CGNL1: variants seen among roughly 807,000 people sequenced by gnomAD.
CGNL1 encodes the protein cingulin like 1.
Under a neutral mutation model 141.2 loss-of-function variants are expected in CGNL1, and 132 were observed. The ratio of observed to expected loss-of-function variants is 0.93; its 90% CI spans 0.81 to 1.08. CGNL1 has a LOEUF of 1.08. Among genes scored for constraint, CGNL1 ranks in the 50% least tolerant of loss-of-function variants. The pLI, the probability that CGNL1 is intolerant of heterozygous loss-of-function variation, is 0.00. For synonymous variants in CGNL1, 690 were observed against 622.1 expected (o/e 1.11, Z -1.63); for missense variants, 1,870 against 1,588.6 (o/e 1.18, Z -3.01).
intron 8 of CGNL1, among the ~76,000 whole-genome samples, chr15:57,476,208 A>G (rs1444230495): frequency 2.0e-5 from 3 of 152,110 alleles, no homozygotes; most frequent in African/African-American, 7.2e-5. Context: ...TGCTCCGTGT[A>G]GGCAGGCCAG....
chr15:57,410,281 AG>A (rs1365486699), intron 1 of CGNL1, among the ~76,000 whole-genome samples: 1 of 152,230 alleles, frequency 6.6e-6, no homozygotes, highest in Non-Finnish European at 1.5e-5. Context: ...CATGTCGTTA[AG>A]TAGATTAAAT....
rs189834374 is a variant in CGNL1 at position 57,494,814 on chromosome 15, G to A, written c.2404-21966G>A. ...GGCCAAGGGTGTTCCCTGGAAACTC[G>A]AGTGTCTAGGCATGAGCTCAGACAC... is the stretch of plus-strand genomic sequence containing the variant. On this transcript the variant is annotated intron_variant, in intron 8 of 18. Transcript: ENST00000281282. Among the ~76,000 whole-genome samples the A allele has an allele frequency of 2.6e-5, 4 of 152,312 alleles. No individual in the cohort carries two copies. The East Asian group carries it at 5.8e-4, about 22-fold the overall frequency.
intron 14 of CGNL1, 74 bp from the exon 15 acceptor site, chr15:57,543,622 C>G (rs1421431510): frequency 2.2e-5 from 30 of 1,351,874 alleles, no homozygotes; most frequent in Non-Finnish European, 3.1e-5. Flanking sequence ...CATTCAGTTC[C>G]TTGCCACCAT....
intron 8 of CGNL1, among the ~76,000 whole-genome samples, chr15:57,507,511 T>G (rs1432078254): frequency 3.3e-5 from 5 of 152,176 alleles, no homozygotes; most frequent in African/African-American, 7.2e-5. Context: ...TGAGTTGCCA[T>G]AGGAAAAACT....
At chr15:57,544,693 C>T (rs984910181) in intron 16 of CGNL1, 96 bp downstream of exon 16, 26 of 1,422,278 alleles carry the variant, frequency 1.8e-5, no homozygotes, top group Admixed American at 1.4e-4. Context: ...TCCTGATCCT[C>T]GTAGCCTGTG....
intron 8 of CGNL1, among the ~76,000 whole-genome samples, chr15:57,509,354 A>G (rs1480364391): frequency 6.6e-6 from 1 of 152,230 alleles, no homozygotes. Flanking sequence ...GACAGAAAGG[A>G]AACAAAAGCC....
At chr15:57,517,090 A>G in intron 9 of CGNL1, 104 bp downstream of exon 9, 1 of 1,133,752 alleles carries the variant, frequency 8.8e-7, no homozygotes, top group East Asian at 2.6e-5. Context: ...ATGATGTAGT[A>G]GGAAAGGTCA....
In CGNL1 at chr15:57,535,021, T is replaced by A. The variant is rs114910234; in HGVS notation, c.3291+3242T>A. Among the ~76,000 whole-genome samples, 1,084 of 152,268 alleles carry A rather than the reference T, an allele frequency of 7.1e-3. 15 individuals are homozygous for A. The highest frequency in any genetic ancestry group is 0.025 in the African/African-American group (1,034 of 41,552). ...AAAAAAGGTTTTCCAGCAATATTAG[T>A]GAATGGCCAACCCCTCTCATAGACT... On this transcript the variant is annotated intron_variant, in intron 14 of 18. Coordinates refer to ENST00000281282, the MANE Select transcript of CGNL1 (RefSeq NM_032866.5).
chr15:57,464,057 AG>A (rs1355667371), intron 8 of CGNL1, among the ~76,000 whole-genome samples: 5 of 131,022 alleles, frequency 3.8e-5, no homozygotes. Context: ...TCTTAGGCAT[AG>A]GGGGCACTTT....
chr15:57,448,449 G>T (rs2152317926), intron 4 of CGNL1, among the ~76,000 whole-genome samples: 1 of 152,240 alleles, frequency 6.6e-6, no homozygotes, highest in South Asian at 2.1e-4. Context: ...GGGAGTTCCA[G>T]ATCATCCTGG....
chr15:57,483,775 A>G (rs1219812484), intron 8 of CGNL1, among the ~76,000 whole-genome samples: 1 of 152,148 alleles, frequency 6.6e-6, no homozygotes, highest in Non-Finnish European at 1.5e-5. Context: ...TCTTTAGTTG[A>G]GAATGTTCCT....
At chr15:57,510,459 C>T (rs2030183091) in intron 8 of CGNL1, among the ~76,000 whole-genome samples, 1 of 152,146 alleles carries the variant, frequency 6.6e-6, no homozygotes, top group African/African-American at 2.4e-5. Context: ...GAATTCCATT[C>T]TGGAGGTGAT....
intron 10 of CGNL1, among the ~76,000 whole-genome samples, chr15:57,518,818 C>G (rs1324668755): frequency 6.6e-6 from 1 of 152,136 alleles, no homozygotes; most frequent in East Asian, 1.9e-4. Flanking sequence ...ATGATCAGGC[C>G]CCAAATGTCA....
intron 8 of CGNL1, among the ~76,000 whole-genome samples, chr15:57,502,840 A>G (rs542577620): frequency 6.6e-6 from 1 of 152,248 alleles, no homozygotes; most frequent in African/African-American, 2.4e-5. Context: ...CTGACATTTT[A>G]TAGTCATGGA....
At chr15:57,479,131 C>G (rs16977529) in intron 8 of CGNL1, among the ~76,000 whole-genome samples, 2,960 of 152,304 alleles carry the variant, frequency 0.019, 98 homozygotes, top group African/African-American at 0.067. Flanking sequence ...TTTTGGGTCC[C>G]TGGTTTATTG....
intron 1 of CGNL1, among the ~76,000 whole-genome samples, chr15:57,399,918 G>A (rs2152247765): frequency 6.6e-6 from 1 of 151,820 alleles, no homozygotes; most frequent in South Asian, 2.1e-4. Flanking sequence ...ATTACTTGGA[G>A]ATATCCTTAG....
chr15:57,511,069 A>G (rs2030262708), intron 8 of CGNL1, among the ~76,000 whole-genome samples: 1 of 152,180 alleles, frequency 6.6e-6, no homozygotes, highest in Admixed American at 6.5e-5. Flanking sequence ...GAAAATGTAT[A>G]TTTATTTTTA....
intron 8 of CGNL1, among the ~76,000 whole-genome samples, chr15:57,494,311 G>T (rs2063906782): frequency 6.6e-6 from 1 of 152,156 alleles, no homozygotes; most frequent in Non-Finnish European, 1.5e-5. Flanking sequence ...AGGCCAAGAA[G>T]CTTTGTTTAT....
intron 1 of CGNL1, among the ~76,000 whole-genome samples, chr15:57,412,505 T>A (rs966664619): frequency 4.6e-5 from 7 of 152,202 alleles, no homozygotes; most frequent in South Asian, 2.1e-4. Context: ...GATTATCACA[T>A]TTCCCAGGAA....
Sources: gnomAD v4.1 joint callset for allele counts (sites outside exome capture counted in the v4.1 genomes callset) on GRCh38, gnomAD v4.1.1 for gene constraint, MANE v1.5 for transcripts, NCBI Gene and HGNC (gene_info 2026-07-23, HGNC 2026-07-21) for gene names.